The following DCLK1 variants were observed in gnomAD, a reference collection of about 807,000 sequenced individuals.
DCLK1 encodes the protein serine/threonine-protein kinase DCLK1.
Under a neutral mutation model 86.2 loss-of-function variants are expected in DCLK1, and 16 were observed. That is an observed-to-expected ratio of 0.19 (90% CI 0.13 to 0.28). DCLK1 has a LOEUF of 0.28. Among genes scored for constraint, DCLK1 ranks in the 10% least tolerant of loss-of-function variants. The pLI is 1.00. For missense variants in DCLK1, 590 were observed against 940.2 expected (o/e 0.63, Z 4.87); for synonymous variants, 369 against 370.5 (o/e 1.00, Z 0.05).
intron 3 of DCLK1, among the ~76,000 whole-genome samples, chr13:35,995,903 C>T (rs2153144773): frequency 6.6e-6 from 1 of 152,010 alleles, no homozygotes; most frequent in South Asian, 2.1e-4. Context: ...TTACTTAAGG[C>T]CAACAATATT....
chr13:35,855,565 C>T (rs543381519), intron 5 of DCLK1: 254 of 1,594,564 alleles, frequency 1.6e-4, no homozygotes, highest in Non-Finnish European at 2.0e-4. Context: ...ATACCAACGG[C>T]GGAATCCCGT....
chr13:35,853,362 C>A (rs1407307272), intron 6 of DCLK1, among the ~76,000 whole-genome samples: 1 of 152,162 alleles, frequency 6.6e-6, no homozygotes, highest in Non-Finnish European at 1.5e-5. Flanking sequence ...GGCGTCAAAT[C>A]CCAGGCTTCA....
intron 11 of DCLK1, among the ~76,000 whole-genome samples, chr13:35,816,802 T>C (rs773535786): frequency 3.3e-5 from 5 of 152,192 alleles, no homozygotes; most frequent in Non-Finnish European, 7.4e-5. Flanking sequence ...TCTCCATATA[T>C]ACCGTTTGGG....
intron 4 of DCLK1, among the ~76,000 whole-genome samples, chr13:35,910,470 G>A (rs1441014329): frequency 6.6e-6 from 1 of 152,322 alleles, no homozygotes; most frequent in Non-Finnish European, 1.5e-5. Context: ...TGAGAGGACA[G>A]CTCCAAGATA....
intron 4 of DCLK1, among the ~76,000 whole-genome samples, chr13:35,921,615 G>T (rs1031260609): frequency 6.6e-6 from 1 of 152,152 alleles, no homozygotes; most frequent in Non-Finnish European, 1.5e-5. Context: ...GTTCCATGAG[G>T]CAAAGACCAT....
chr13:36,119,853 G>A (rs1885922444), intron 2 of DCLK1, among the ~76,000 whole-genome samples: 1 of 152,200 alleles, frequency 6.6e-6, no homozygotes, highest in Non-Finnish European at 1.5e-5. Context: ...AATGAGGCCT[G>A]TAGTTCAACT....
At chr13:35,912,260 G>A (rs370802171) in intron 4 of DCLK1, among the ~76,000 whole-genome samples, 33 of 152,270 alleles carry the variant, frequency 2.2e-4, no homozygotes, top group African/African-American at 5.1e-4. Context: ...GGGTAGGTCC[G>A]TGGCAAAATC....
intron 7 of DCLK1, among the ~76,000 whole-genome samples, chr13:35,837,046 C>G (rs549956775): frequency 1.8e-4 from 27 of 152,250 alleles, no homozygotes; most frequent in Admixed American, 3.9e-4. Flanking sequence ...GATGGAACCC[C>G]GGTGTGTTTT....
intron 6 of DCLK1, among the ~76,000 whole-genome samples, chr13:35,843,129 T>C (rs1237439789): frequency 6.6e-6 from 1 of 152,238 alleles, no homozygotes; most frequent in African/African-American, 2.4e-5. Flanking sequence ...ATTTACCTTT[T>C]TGGTTTTTCT....
chr13:35,856,196 G>C (rs1257279482), intron 5 of DCLK1, among the ~76,000 whole-genome samples: 1 of 152,236 alleles, frequency 6.6e-6, no homozygotes, highest in East Asian at 1.9e-4. Context: ...TTTGCAGAGA[G>C]AGTGAACTGG....
intron 4 of DCLK1, among the ~76,000 whole-genome samples, chr13:35,927,885 C>T (rs572987876): frequency 4.6e-5 from 7 of 152,232 alleles, no homozygotes; most frequent in Non-Finnish European, 1.0e-4. Context: ...AGACTCTGGA[C>T]GCTAGCAGCT....
rs142103023 is a variant in DCLK1, at chr13:35,819,174, T to C, written c.1554+3555A>G. On this transcript the variant is annotated intron_variant, in intron 11 of 16. Coordinates refer to ENST00000360631, the MANE Select transcript of DCLK1 (RefSeq NM_001330071.2). ...ATGTAAAATCATGGGCATGATCAAT[T>C]TGGGGGGAAAAACTTTAGTTAAATA... Among the ~76,000 whole-genome samples the C allele has an allele frequency of 7.2e-4, 109 of 152,146 alleles. 1 individual carries two copies. Among genetic ancestry groups the C allele is most frequent in the African/African-American group, 2.5e-3 (105 of 41,514 alleles).
chr13:35,785,424 TCA>T (rs144481763), intron 16 of DCLK1, among the ~76,000 whole-genome samples: 4,752 of 152,138 alleles, frequency 0.031, 94 homozygotes, highest in Non-Finnish European at 0.044. Context: ...CCCAGTGAGC[TCA>T]CACCTGGGGC....
At chr13:35,852,525 G>GT (rs1176198874) in intron 6 of DCLK1, among the ~76,000 whole-genome samples, 1 of 152,122 alleles carries the variant, frequency 6.6e-6, no homozygotes, top group Non-Finnish European at 1.5e-5. Flanking sequence ...AAATGGGATT[G>GT]TTTTTTTCTC....
At chr13:35,782,082 G>C (rs1002672688) in intron 16 of DCLK1, among the ~76,000 whole-genome samples, 4 of 152,156 alleles carry the variant, frequency 2.6e-5, no homozygotes, top group African/African-American at 9.7e-5. Flanking sequence ...CAACTGAGTA[G>C]CCTTCCAAGC....
chr13:35,959,596 C>T, intron 3 of DCLK1, among the ~76,000 whole-genome samples: 1 of 152,166 alleles, frequency 6.6e-6, no homozygotes, highest in Non-Finnish European at 1.5e-5. Flanking sequence ...TTATAAAAAA[C>T]ATTGTGTATT....
chr13:36,006,323 A>T (rs945490539), intron 3 of DCLK1, among the ~76,000 whole-genome samples: 1 of 152,224 alleles, frequency 6.6e-6, no homozygotes, highest in Non-Finnish European at 1.5e-5. Flanking sequence ...GCAGACAGAC[A>T]CACAGTTTAG....
At chr13:36,116,709 G>A (rs773969072) in intron 2 of DCLK1, among the ~76,000 whole-genome samples, 6 of 152,100 alleles carry the variant, frequency 3.9e-5, no homozygotes, top group African/African-American at 7.2e-5. Context: ...AAGGATATCC[G>A]TAATATATTT....
At chr13:36,063,189 CT>C (rs1883621873) in intron 3 of DCLK1, among the ~76,000 whole-genome samples, 1 of 152,146 alleles carries the variant, frequency 6.6e-6, no homozygotes. Flanking sequence ...CAGAAATCTC[CT>C]CCAATGTCAC....
Sources: allele counts gnomAD v4.1 joint callset (sites outside exome capture counted in the v4.1 genomes callset), GRCh38; gene constraint gnomAD v4.1.1; transcripts MANE v1.5; gene names NCBI Gene and HGNC (gene_info 2026-07-23, HGNC 2026-07-21).